FBN2: variants seen among roughly 807,000 people sequenced by gnomAD.
FBN2 encodes fibrillin 2, also known as fibrillin-2.
FBN2 carries 105 observed loss-of-function variants against 355.6 expected under a neutral mutation model. That is an observed-to-expected ratio of 0.30 (90% CI 0.25 to 0.35). The LOEUF is 0.35. FBN2 is among the 10% of genes least tolerant of loss of function. FBN2 has a pLI of 1.00. For missense variants in FBN2, 3,280 were observed against 3,758.7 expected (o/e 0.87, Z 3.33); for synonymous variants, 1,350 against 1,301.2 (o/e 1.04, Z -0.81).
At chr5:128,515,226 T>C (rs2127157099) in intron 5 of FBN2, among the ~76,000 whole-genome samples, 1 of 152,304 alleles carries the variant, frequency 6.6e-6, no homozygotes, top group South Asian at 2.1e-4. Flanking sequence ...TTACTTTACT[T>C]CCTGAAGTAT....
intron 46 of FBN2, 22 bp from the exon 47 acceptor site, chr5:128,301,532 T>C: frequency 6.2e-7 from 1 of 1,611,088 alleles, no homozygotes; most frequent in Non-Finnish European, 8.5e-7. Flanking sequence ...CAGGAGTATG[T>C]TTTTCAGAAA....
intron 16 of FBN2, among the ~76,000 whole-genome samples, chr5:128,367,437 T>G (rs549723421): frequency 6.6e-6 from 1 of 152,264 alleles, no homozygotes; most frequent in African/African-American, 2.4e-5. Context: ...ACTGCTGTTT[T>G]TTCTATAGAG....
At chr5:128,342,538 G>A (rs1270288090) in intron 25 of FBN2, among the ~76,000 whole-genome samples, 1 of 152,026 alleles carries the variant, frequency 6.6e-6, no homozygotes, top group African/African-American at 2.4e-5. Context: ...GAGATATTTT[G>A]AACCTGTGTA....
At chr5:128,292,104 G>A (rs1749340405) in intron 48 of FBN2, among the ~76,000 whole-genome samples, 1 of 151,964 alleles carries the variant, frequency 6.6e-6, no homozygotes, top group Non-Finnish European at 1.5e-5. Flanking sequence ...TACCTCCTCA[G>A]TACTTCCACA....
At chr5:128,390,606 A>G (rs1450629876) in intron 11 of FBN2, among the ~76,000 whole-genome samples, 2 of 152,222 alleles carry the variant, frequency 1.3e-5, no homozygotes, top group East Asian at 1.9e-4. Context: ...CAAAATGTAC[A>G]TTACACATTG....
Position 128,300,917 on chromosome 5 carries a change from G to T in FBN2, c.6066C>A (p.Ala2022=), listed in dbSNP as rs1749697117. 6.2e-7 allele frequency: 1 copy of T among 1,613,562 alleles called. No homozygotes were observed. Among genetic ancestry groups the T allele is most frequent in the African/African-American group, 1.3e-5 (1 of 74,888 alleles). Residue 2022 remains alanine (A), a synonymous_variant, in exon 48 of 65, where the codon GCC becomes GCA. Coordinates refer to ENST00000262464, the MANE Select transcript of FBN2 (RefSeq NM_001999.4). ...TACCAGGAGAGCAAGAGCCGGGAAG[G>T]GCGACACACTCATTAGTGTCTTTAG... is the stretch of plus-strand genomic sequence containing the variant. ...KNCIDTNECV[A]LPGSCSPGTC...
At chr5:128,309,513 T>C in intron 40 of FBN2, 114 bp from the exon 41 acceptor site, 1 of 836,546 alleles carries the variant, frequency 1.2e-6, no homozygotes, top group South Asian at 1.5e-5. Context: ...GGAAACCCTT[T>C]TTAGTCATTT....
intron 12 of FBN2, 44 bp from the exon 13 acceptor site, chr5:128,377,921 T>A (rs1439318447): frequency 1.9e-6 from 3 of 1,553,600 alleles, no homozygotes; most frequent in Non-Finnish European, 2.7e-6. Context: ...TTTACAATAC[T>A]TATAGATAAA....
chr5:128,412,468 T>C (rs1561444340), intron 7 of FBN2, among the ~76,000 whole-genome samples: 1 of 152,178 alleles, frequency 6.6e-6, no homozygotes, highest in Non-Finnish European at 1.5e-5. Flanking sequence ...ACATGCTAAT[T>C]TCTGAATGAT....
In FBN2 at chr5:128,281,786, C is replaced by T. The variant is rs781308321; in HGVS notation, c.7013-1469G>A. Among the ~76,000 whole-genome samples, 64 of 152,166 alleles carry T rather than the reference C, an allele frequency of 4.2e-4. 1 individual carries two copies. The Middle Eastern group carries it at 0.01, about 24-fold the overall frequency. ...TTGCAAGCTCTGCCTCCTGGGTTCA[C>T]GCCATTCTCCTGCCTCAGCCTCCTG... On this transcript the variant is annotated intron_variant, in intron 55 of 64. Transcript: ENST00000262464.
At chr5:128,333,797 TGTTC>T (rs1389359822) in intron 31 of FBN2, among the ~76,000 whole-genome samples, 1 of 150,754 alleles carries the variant, frequency 6.6e-6, no homozygotes, top group Non-Finnish European at 1.5e-5. Flanking sequence ...AATAGTAATG[TGTTC>T]TATCTAGTTC....
At chr5:128,345,724 C>T (rs1486770861) in intron 23 of FBN2, 140 bp from the exon 24 acceptor site, 1 of 720,082 alleles carries the variant, frequency 1.4e-6, no homozygotes, top group South Asian at 1.6e-5. Context: ...CCCTGACCTC[C>T]TGGAATGGAC....
Position 128,335,574 on chromosome 5 carries a change from A to G in FBN2, c.3728T>C (p.Ile1243Thr), listed in dbSNP as rs1306804578. The change falls in exon 29 of 65, where the codon ATT becomes ACT. Residue 1243 changes from isoleucine to threonine, a missense_variant. By Grantham distance (89) the Ile-to-Thr change is moderately conservative. Coordinates refer to ENST00000262464, the MANE Select transcript of FBN2 (RefSeq NM_001999.4). Reference protein sequence around the residue: ...ATPDRQGCTDIDECMIMNGGC... With the variant: ...ATPDRQGCTDTDECMIMNGGC... ...TCCGTTCATTATCATACATTCATCAATATCTGTGAAAACAGCATTGCAACC... is the reference window on the plus strand; with the variant it reads ...TCCGTTCATTATCATACATTCATCAGTATCTGTGAAAACAGCATTGCAACC... 4 of 1,614,196 alleles carry G rather than the reference A, an allele frequency of 2.5e-6. No homozygotes were observed. The highest frequency in any genetic ancestry group is 3.4e-6 in the Non-Finnish European group (4 of 1,180,020).
At chr5:128,381,203 G>T (rs1413245316) in intron 11 of FBN2, among the ~76,000 whole-genome samples, 1 of 151,984 alleles carries the variant, frequency 6.6e-6, no homozygotes, top group Non-Finnish European at 1.5e-5. Flanking sequence ...ACAGACACTA[G>T]GAGAGTTACA....
At chr5:128,505,821 T>C (rs574199244) in intron 5 of FBN2, among the ~76,000 whole-genome samples, 1 of 152,340 alleles carries the variant, frequency 6.6e-6, no homozygotes, top group East Asian at 1.9e-4. Flanking sequence ...TAACAAACAA[T>C]AAATATTCCG....
At chr5:128,472,964 CAG>C (rs1214217871) in intron 5 of FBN2, among the ~76,000 whole-genome samples, 2 of 152,174 alleles carry the variant, frequency 1.3e-5, no homozygotes, top group African/African-American at 2.4e-5. Flanking sequence ...TTTTTGGATG[CAG>C]AGTCACCATG....
intron 51 of FBN2, among the ~76,000 whole-genome samples, 159 bp downstream of exon 51, chr5:128,289,723 T>C (rs1360334837): frequency 6.6e-6 from 1 of 152,202 alleles, no homozygotes; most frequent in Non-Finnish European, 1.5e-5. Flanking sequence ...TCTTATGATA[T>C]ATGTATAATG....
Position 128,481,337 on chromosome 5 carries a change from C to T in FBN2, c.629-16416G>A, listed in dbSNP as rs557316768. On this transcript the variant is annotated intron_variant, in intron 5 of 64. Coordinates refer to ENST00000262464, the MANE Select transcript of FBN2 (RefSeq NM_001999.4). The stretch of plus-strand genomic sequence containing the variant: ...CTGTTCCGACCTGGCAACAAAAGTG[C>T]TGTCATCAATTTCTGATCAGCCGTG... Among the ~76,000 whole-genome samples the T allele has an allele frequency of 7.6e-4, 115 of 152,302 alleles. 1 individual carries two copies. The highest frequency in any genetic ancestry group is 2.6e-3 in the African/African-American group (107 of 41,564).
chr5:128,284,852 A>C (rs1368743195), intron 55 of FBN2, among the ~76,000 whole-genome samples: 1 of 152,172 alleles, frequency 6.6e-6, no homozygotes, highest in Non-Finnish European at 1.5e-5. Flanking sequence ...CTATTTTCAC[A>C]CTGCAGTGTA....
Sources: gnomAD v4.1 joint callset for allele counts (sites outside exome capture counted in the v4.1 genomes callset) on GRCh38, gnomAD v4.1.1 for gene constraint, MANE v1.5 for transcripts, NCBI Gene and HGNC (gene_info 2026-07-23, HGNC 2026-07-21) for gene names.